RIC1: variants seen among roughly 807,000 people sequenced by gnomAD.
The protein encoded by RIC1 is RIC1 partner of RAB6A GEF complex.
A neutral mutation model predicts 169.0 loss-of-function variants in RIC1; 88 were observed. The ratio of observed to expected loss-of-function variants is 0.52; its 90% CI spans 0.44 to 0.62. RIC1 has a LOEUF of 0.62. RIC1 is among the 20% of genes least tolerant of loss of function. RIC1 has a pLI of 0.00. For missense variants in RIC1, 1,877 were observed against 1,725.5 expected, an observed-to-expected ratio of 1.09 and a Z score of -1.56; for synonymous variants, 790 against 601.5, an observed-to-expected ratio of 1.31 and a Z score of -4.59.
chr9:5,641,076 A>G (rs1818214301), intron 1 of RIC1, among the ~76,000 whole-genome samples: 1 of 148,952 alleles, frequency 6.7e-6, no homozygotes, highest in Non-Finnish European at 1.5e-5. Context: ...GTTTGTTTAT[A>G]GATGCCATAA....
At position 5,656,722 on chromosome 9, in the gene RIC1, C is replaced by G. The variant is rs754647460; in HGVS notation, c.252+32C>G. 35 of 1,225,988 alleles carry G rather than the reference C, an allele frequency of 2.9e-5. No individual in the cohort carries two copies. The Admixed American group carries it at 6.9e-4, about 24-fold the overall frequency. The allele number at this position is 1,225,988 out of a possible 1,614,324, so 75.9% of individuals were successfully genotyped here. A position where few individuals can be genotyped will look rare whatever the true frequency, so the allele number is the denominator to read the frequency against. On this transcript the variant is annotated intron_variant, in intron 2 of 25. Coordinates refer to ENST00000414202, the MANE Select transcript of RIC1 (RefSeq NM_020829.4). ...AGATTTTACCGCTAAATAGTGTTTT[C>G]TTATGAAATCATTACATCGCATTTA...
intron 2 of RIC1, among the ~76,000 whole-genome samples, chr9:5,664,480 A>G (rs1358274290): frequency 6.6e-6 from 1 of 151,194 alleles, no homozygotes; most frequent in Non-Finnish European, 1.5e-5. Flanking sequence ...TGAGAGGTCT[A>G]TTGTTAGTCT....
intron 3 of RIC1, among the ~76,000 whole-genome samples, chr9:5,709,148 C>G (rs1822777521): frequency 6.6e-6 from 1 of 152,010 alleles, no homozygotes; most frequent in Non-Finnish European, 1.5e-5. Flanking sequence ...AGAAATGACA[C>G]AAATCACTTC....
At position 5,651,465 on chromosome 9, in the gene RIC1, A is replaced by G. The variant is rs538230964; in HGVS notation, c.145-5118A>G. ...TGTGCTTTTCAGGTCTTATCCAAAA[A>G]ATTCCTTGCTCAGACCAATATAATG... On this transcript the variant is annotated intron_variant, in intron 1 of 25. Transcript: ENST00000414202. Among the ~76,000 whole-genome samples the G allele has an allele frequency of 2.0e-5, 3 of 151,836 alleles. No homozygotes were observed. The East Asian group carries it at 5.8e-4, about 29-fold the overall frequency.
intron 6 of RIC1, among the ~76,000 whole-genome samples, chr9:5,725,674 G>C (rs200310091): frequency 6.6e-5 from 10 of 151,866 alleles, no homozygotes; most frequent in African/African-American, 9.7e-5. Flanking sequence ...TAGATCTTTC[G>C]TGCTTTCTGT....
intron 2 of RIC1, among the ~76,000 whole-genome samples, chr9:5,679,120 G>A (rs1011018491): frequency 9.9e-5 from 15 of 152,202 alleles, no homozygotes; most frequent in African/African-American, 3.6e-4. Context: ...CCCATTTCTT[G>A]TTTTTGTCAG....
At chr9:5,630,441 G>A (rs1817664922) in intron 1 of RIC1, among the ~76,000 whole-genome samples, 1 of 152,120 alleles carries the variant, frequency 6.6e-6, no homozygotes, top group Non-Finnish European at 1.5e-5. Flanking sequence ...TCCTTATTAG[G>A]TGTTCGTGAA....
Position 5,713,992 on chromosome 9 carries a change from A to C in RIC1, c.429A>C (p.Ala143=), listed in dbSNP as rs1209503176. The part of the protein sequence containing the change: ...LEMRKILDLQ[A]PIMSLQSVLE... ...TGAGGAAAATACTGGATTTACAAGCACCCATCATGAGGTACAGTACTTTGG... is the reference window on the plus strand; with the variant it reads ...TGAGGAAAATACTGGATTTACAAGCCCCCATCATGAGGTACAGTACTTTGG... The change falls in exon 4 of 26, where the codon GCA becomes GCC. Residue 143 remains alanine, a synonymous_variant. Coordinates refer to ENST00000414202, the MANE Select transcript of RIC1 (RefSeq NM_020829.4). 9 of 1,608,332 alleles carry C rather than the reference A, an allele frequency of 5.6e-6. No homozygotes were observed. In the South Asian group the frequency reaches 9.9e-5, roughly 18 times the overall value.
intron 1 of RIC1, among the ~76,000 whole-genome samples, chr9:5,652,144 A>T (rs1818840602): frequency 6.6e-6 from 1 of 152,168 alleles, no homozygotes; most frequent in Non-Finnish European, 1.5e-5. Context: ...CAGGTAGTGT[A>T]ATTCCACTAA....
chr9:5,699,246 C>A (rs1324938617), intron 3 of RIC1, among the ~76,000 whole-genome samples: 1 of 152,188 alleles, frequency 6.6e-6, no homozygotes, highest in African/African-American at 2.4e-5. Flanking sequence ...ACTGTAGTTT[C>A]CTCCCACATC....
intron 4 of RIC1, among the ~76,000 whole-genome samples, chr9:5,715,184 A>G (rs1823157133): frequency 6.6e-6 from 1 of 152,164 alleles, no homozygotes; most frequent in Admixed American, 6.5e-5. Flanking sequence ...CATTTTATTT[A>G]TTTCAGCATG....
intron 2 of RIC1, among the ~76,000 whole-genome samples, chr9:5,684,641 A>T (rs1392673934): frequency 1.3e-5 from 2 of 152,140 alleles, no homozygotes; most frequent in Non-Finnish European, 2.9e-5. Flanking sequence ...TTCCATTAGG[A>T]GTCCTATGCA....
Position 5,774,051 on chromosome 9 carries a change from A to G in RIC1, c.4077A>G (p.Gln1359=), listed in dbSNP as rs1586740526. 1 of 1,614,058 alleles carries G rather than the reference A, an allele frequency of 6.2e-7. No individual in the cohort carries two copies. Among genetic ancestry groups the G allele is most frequent in the Admixed American group, 1.7e-5 (1 of 60,014 alleles). ...AGCAGGTCCAGCCAGATGCCTTCCA[A>G]CCAATAACTATGGGTAAGACTCCAG... ...TEEQVQPDAF[Q]PITMGKTPEQ... is the part of the protein sequence containing the mutation. The change falls in exon 26 of 26, where the codon CAA becomes CAG. Residue 1359 remains glutamine (Q), a synonymous_variant. Transcript: ENST00000414202.
chr9:5,634,915 G>A (rs900582076), intron 1 of RIC1, among the ~76,000 whole-genome samples: 2 of 152,036 alleles, frequency 1.3e-5, no homozygotes, highest in African/African-American at 2.4e-5. Flanking sequence ...CTGTGTATTT[G>A]TGGGGTATAT....
chr9:5,735,069 T>G (rs868310627), intron 7 of RIC1, among the ~76,000 whole-genome samples: 8 of 152,338 alleles, frequency 5.3e-5, no homozygotes, highest in Middle Eastern at 3.4e-3. Flanking sequence ...TAATAATATT[T>G]GGTTATTATT....
chr9:5,736,303 A>G (rs776221518), intron 7 of RIC1, among the ~76,000 whole-genome samples: 3 of 152,236 alleles, frequency 2.0e-5, no homozygotes, highest in Admixed American at 6.5e-5. Context: ...TGATTGAATG[A>G]CAGATGACAT....
At chr9:5,635,106 G>A (rs1817907797) in intron 1 of RIC1, among the ~76,000 whole-genome samples, 1 of 152,084 alleles carries the variant, frequency 6.6e-6, no homozygotes, top group African/African-American at 2.4e-5. Flanking sequence ...TCCCACCTTA[G>A]CATCCTGAGT....
chr9:5,673,535 GAT>G (rs59648906), intron 2 of RIC1, among the ~76,000 whole-genome samples: 1,949 of 119,254 alleles, frequency 0.016, 154 homozygotes, highest in African/African-American at 0.065. Flanking sequence ...AACATAAGGA[GAT>G]ATATATATAT....
intron 12 of RIC1, among the ~76,000 whole-genome samples, chr9:5,748,275 C>T (rs191706416): frequency 1.3e-5 from 2 of 152,190 alleles, no homozygotes; most frequent in African/African-American, 4.8e-5. Flanking sequence ...TTTCTGTTTC[C>T]ATAATTCTTT....
Sources: allele counts gnomAD v4.1 joint callset (sites outside exome capture counted in the v4.1 genomes callset), GRCh38; gene constraint gnomAD v4.1.1; transcripts MANE v1.5; gene names NCBI Gene and HGNC (gene_info 2026-07-23, HGNC 2026-07-21).